Variants in MCM6 observed in about 807,000 individuals in gnomAD.
MCM6 encodes DNA replication licensing factor MCM6.
A neutral mutation model predicts 94.3 loss-of-function variants in MCM6; 46 were observed. The ratio of observed to expected loss-of-function variants is 0.49; its 90% CI spans 0.39 to 0.62. The LOEUF is 0.62. Among genes scored for constraint, MCM6 ranks in the 20% least tolerant of loss-of-function variants. The pLI, the probability that MCM6 is intolerant of heterozygous loss-of-function variation, is 0.00. For missense variants in MCM6, 865 were observed against 1,017.9 expected (o/e 0.85, Z 2.04); for synonymous variants, 335 against 351.9 (o/e 0.95, Z 0.54).
Position 135,846,385 on chromosome 2 carries a change from A to G in MCM6, c.2061T>C (p.Ala687=). The change falls in exon 15 of 17, where the codon GCT becomes GCC. Residue 687 remains alanine, a synonymous_variant. Transcript: ENST00000264156. ...TCCCGTTCACAGGAGCAGGGCTGTCAGCATGACCTAAGTGAAAAATTGACC... is the reference window on the plus strand; with the variant it reads ...TCCCGTTCACAGGAGCAGGGCTGTCGGCATGACCTAAGTGAAAAATTGACC... The part of the protein sequence containing the change: ...DEGAGGINGH[A]DSPAPVNGIN... 1 of 1,614,120 alleles carries G rather than the reference A, an allele frequency of 6.2e-7. No individual in the cohort carries two copies. The highest frequency in any genetic ancestry group is 1.1e-5 in the South Asian group (1 of 91,076).
At position 135,856,715 on chromosome 2, in the gene MCM6, C is replaced by T; in HGVS notation, c.1626+13G>A. 1 of 1,612,726 alleles carries T rather than the reference C, an allele frequency of 6.2e-7. No individual in the cohort carries two copies. The highest frequency in any genetic ancestry group is 8.5e-7 in the Non-Finnish European group (1 of 1,179,412). On this transcript the variant is annotated intron_variant, in intron 11 of 16. Coordinates refer to ENST00000264156, the MANE Select transcript of MCM6 (RefSeq NM_005915.6). Reference sequence around the variant, plus strand: ...CTCCAACTGGAAATAAAAAAGGAAGCTCATGGGGTTACCTCATTACATTCA... The same window carrying T: ...CTCCAACTGGAAATAAAAAAGGAAGTTCATGGGGTTACCTCATTACATTCA...
At chr2:135,852,766 C>T in intron 12 of MCM6, 21 bp downstream of exon 12, 2 of 1,530,136 alleles carry the variant, frequency 1.3e-6, no homozygotes, top group Non-Finnish European at 1.8e-6. Flanking sequence ...TACCTTATCC[C>T]AGTACAAAAG....
chr2:135,872,892 G>T (rs1680228534), intron 1 of MCM6, 49 bp from the exon 2 acceptor site: 5 of 1,594,304 alleles, frequency 3.1e-6, no homozygotes, highest in Non-Finnish European at 3.4e-6. Flanking sequence ...GCAGTACAAA[G>T]AACCTGAATG....
At chr2:135,858,070 A>T in intron 9 of MCM6, 66 bp from the exon 10 acceptor site, 2 of 1,447,380 alleles carry the variant, frequency 1.4e-6, no homozygotes, top group Non-Finnish European at 9.7e-7. Flanking sequence ...CACACTTGTA[A>T]TCCCAGCACT....
Position 135,868,638 on chromosome 2 carries a change from A to AT in MCM6, c.587dup (p.Asn196LysfsTer2). 1 of 1,614,130 alleles carries AT rather than the reference A, an allele frequency of 6.2e-7. No individual in the cohort carries two copies. The highest frequency in any genetic ancestry group is 8.5e-7 in the Non-Finnish European group (1 of 1,179,940). ...TTTGAAAATCAACAAATCTTGATTT[A>AT]TTTGTATCCAGTAAGAATCTCCTCC... On this transcript the variant is annotated frameshift_variant, in exon 4 of 17. Transcript: ENST00000264156. LOFTEE classifies it high-confidence loss of function.
rs4988222 is a variant in MCM6, at chr2:135,855,398, G to C, written c.1626+1330C>G. 8.5e-3 allele frequency among the ~76,000 whole-genome samples: 1,295 copies of C among 152,210 alleles called. 90 individuals carry two copies. The East Asian group carries it at 0.18, about 21-fold the overall frequency. On this transcript the variant is annotated intron_variant, in intron 11 of 16. Coordinates refer to ENST00000264156, the MANE Select transcript of MCM6 (RefSeq NM_005915.6). ...AAACCAAACCAAACCAGGTGTGATGGTGCAGGCCTACAATCTTAGCTATTC... is the reference window on the plus strand; with the variant it reads ...AAACCAAACCAAACCAGGTGTGATGCTGCAGGCCTACAATCTTAGCTATTC...
chr2:135,842,283 A>T (rs1479270077), intron 16 of MCM6, among the ~76,000 whole-genome samples: 1 of 152,154 alleles, frequency 6.6e-6, no homozygotes, highest in Non-Finnish European at 1.5e-5. Flanking sequence ...CCCTGATCTG[A>T]GTAGCTGTTC....
At chr2:135,858,977 C>T (rs182268974) in intron 9 of MCM6, among the ~76,000 whole-genome samples, 5 of 152,214 alleles carry the variant, frequency 3.3e-5, no homozygotes, top group Non-Finnish European at 5.9e-5. Context: ...ATGCAGCCTC[C>T]ACCTCCTGGG....
rs1323024902 is a variant in MCM6, at chr2:135,862,738, T to G, written c.1089A>C (p.Glu363Asp). Residue 363 changes from glutamate to aspartate, a missense_variant, in exon 8 of 17, where the codon GAA becomes GAC. Physicochemically the swap from Glu to Asp is conservative, Grantham distance 45 (BLOSUM62 2). This residue lies in a region of MCM6 where 404 missense variants were observed against 451.9 expected (regional missense o/e 0.89). Transcript: ENST00000264156. Reference sequence around the variant, plus strand: ...GCATCAGCAGGACACCCCGTTTTACTTCATCATTGCCTGAAATGAAAAGAA... The same window carrying G: ...GCATCAGCAGGACACCCCGTTTTACGTCATCATTGCCTGAAATGAAAAGAA... ...SLFPTIHGND[E>D]VKRGVLLMLF... is the part of the protein sequence containing the mutation. The G allele has an allele frequency of 1.2e-6, 2 of 1,613,752 alleles. No homozygotes were observed. Among genetic ancestry groups the G allele is most frequent in the African/African-American group, 1.3e-5 (1 of 74,930 alleles).
chr2:135,868,951 T>C lies in MCM6; in HGVS notation c.366-91A>G, dbSNP rs1446832940. 16 of 1,306,260 alleles carry C rather than the reference T, an allele frequency of 1.2e-5. No individual in the cohort carries two copies. The East Asian group carries it at 3.8e-4, about 31-fold the overall frequency. 80.9% of individuals were successfully genotyped at this position (1,306,260 alleles called of 1,614,324 possible). A position where few individuals can be genotyped will look rare whatever the true frequency, so the allele number is the denominator to read the frequency against. On this transcript the variant is annotated intron_variant, in intron 3 of 16. Coordinates refer to ENST00000264156, the MANE Select transcript of MCM6 (RefSeq NM_005915.6). ...TGAGAGGGTATTCAAAGATAATTTATGTTTAAAAAAAAAATTCAAGAGACA... is the reference window on the plus strand; with the variant it reads ...TGAGAGGGTATTCAAAGATAATTTACGTTTAAAAAAAAAATTCAAGAGACA...
intron 1 of MCM6, among the ~76,000 whole-genome samples, chr2:135,875,948 C>A (rs1029411226): frequency 6.6e-6 from 1 of 152,220 alleles, no homozygotes; most frequent in African/African-American, 2.4e-5. Context: ...CAGGTTTCCG[C>A]GCCGGTCACC....
chr2:135,846,304 C>G lies in MCM6; in HGVS notation c.2142G>C (p.Arg714Ser). Reference protein sequence around the residue: ...NQESAPKASLRLGFSEYCRIS... With the variant: ...NQESAPKASLSLGFSEYCRIS... ...TTCGGCAGTACTCAGAGAAGCCCAG[C>G]CTTAAGGAGGCTTTGGGAGCAGACT... The change falls in exon 15 of 17, where the codon AGG becomes AGC. Residue 714 changes from arginine to serine, a missense_variant. Coordinates refer to ENST00000264156, the MANE Select transcript of MCM6 (RefSeq NM_005915.6). 6.2e-7 allele frequency: 1 copy of G among 1,614,084 alleles called. No homozygotes were observed. The highest frequency in any genetic ancestry group is 8.5e-7 in the Non-Finnish European group (1 of 1,179,988).
In MCM6 at chr2:135,876,356, C is replaced by A. The variant is rs1411055513; in HGVS notation, c.10G>T (p.Ala4Ser). 2 of 1,606,632 alleles carry A rather than the reference C, an allele frequency of 1.2e-6. No individual in the cohort carries two copies. Among genetic ancestry groups the A allele is most frequent in the Admixed American group, 3.4e-5 (2 of 59,602 alleles). MDLAAAAEPGAGSQ... is the reference protein window; with the variant it reads MDLSAAAEPGAGSQ... ...CCGGCGCCCGGCTCCGCTGCCGCCG[C>A]GAGGTCCATATTTGCTTAGTGCCGA... Residue 4 changes from alanine (A) to serine (S), a missense_variant, in exon 1 of 17, where the codon GCG (alanine) becomes TCG (serine). By Grantham distance (99) the Ala-to-Ser change is moderately conservative. Transcript: ENST00000264156.
chr2:135,864,902 C>T lies in MCM6; in HGVS notation c.1078+111G>A, dbSNP rs4988181. 382 of 755,988 alleles carry T rather than the reference C, an allele frequency of 5.1e-4. 4 individuals carry two copies. In the Admixed American group the frequency reaches 0.01, roughly 20 times the overall value. The allele number at this position is 755,988 out of a possible 1,614,324, so 46.8% of individuals were successfully genotyped here. A position where few individuals can be genotyped will look rare whatever the true frequency, so the allele number is the denominator to read the frequency against. The stretch of plus-strand genomic sequence containing the variant: ...CCTTTTGTAAATGACCTCTTTCAGA[C>T]CCACTAAAAACTTTCACAGTCTGAT... On this transcript the variant is annotated intron_variant, in intron 7 of 16. Coordinates refer to ENST00000264156, the MANE Select transcript of MCM6 (RefSeq NM_005915.6).
chr2:135,853,357 T>C (rs936808996), intron 11 of MCM6, among the ~76,000 whole-genome samples: 6 of 152,078 alleles, frequency 3.9e-5, no homozygotes, highest in African/African-American at 1.4e-4. Context: ...GGCAGGAGGA[T>C]CACTTGAGCC....
At chr2:135,861,460 G>C (rs1032633354) in intron 8 of MCM6, among the ~76,000 whole-genome samples, 3 of 152,088 alleles carry the variant, frequency 2.0e-5, no homozygotes, top group Admixed American at 6.5e-5. Flanking sequence ...TCAGAAACTT[G>C]TTGCTTTTAT....
chr2:135,852,743 AAT>A (rs1679800252), intron 12 of MCM6, 42 bp downstream of exon 12: 1 of 1,328,656 alleles, frequency 7.5e-7, no homozygotes, highest in Non-Finnish European at 9.9e-7. Flanking sequence ...ATTCCACTTT[AAT>A]ATACCCATTA....
chr2:135,856,395 A>T (rs1399394688), intron 11 of MCM6, among the ~76,000 whole-genome samples: 1 of 152,238 alleles, frequency 6.6e-6, no homozygotes, highest in South Asian at 2.1e-4. Flanking sequence ...GTAGGCCAAG[A>T]CTGTGCCACT....
chr2:135,874,863 G>A (rs1216876998), intron 1 of MCM6, among the ~76,000 whole-genome samples: 1 of 152,170 alleles, frequency 6.6e-6, no homozygotes, highest in Non-Finnish European at 1.5e-5. Context: ...AGGAAATTCT[G>A]ACACATGCTA....
Sources: gnomAD v4.1 joint callset for allele counts (sites outside exome capture counted in the v4.1 genomes callset) on GRCh38, gnomAD v4.1.1 for gene constraint, gnomAD v4.1.1 regional missense constraint, MANE v1.5 for transcripts, NCBI Gene and HGNC (gene_info 2026-07-23, HGNC 2026-07-21) for gene names.